The following PPP1R12C variants were observed in gnomAD, a reference collection of about 807,000 sequenced individuals.
The protein encoded by PPP1R12C is leukocyte receptor cluster (LRC) encoded novel gene 3.
In PPP1R12C, 48 loss-of-function variants were observed where a neutral mutation model predicts 95.6. That is an observed-to-expected ratio of 0.50 (90% confidence interval 0.40 to 0.64). The LOEUF (loss-of-function observed/expected upper bound fraction) is 0.64. Ranked by LOEUF, PPP1R12C falls within the 30% of genes least tolerant of loss-of-function variation. The probability of loss-of-function intolerance (pLI) is 0.00; values close to 1 mark genes in which losing one functional copy is unlikely to be tolerated. For synonymous variants in PPP1R12C, 480 were observed against 460.8 expected, an observed-to-expected ratio of 1.04 and a Z score of -0.53; for missense variants, 1,057 against 1,083.3, an observed-to-expected ratio of 0.98 and a Z score of 0.34.
chr19:55,108,625 T>C (rs2085063730), intron 3 of PPP1R12C, among the ~76,000 whole-genome samples: 1 of 152,228 alleles, frequency 6.6e-6, no homozygotes, highest in African/African-American at 2.4e-5. Flanking sequence ...GTAATTGTCC[T>C]TCTGTGACTG....
At chr19:55,095,675 A>G in intron 9 of PPP1R12C, 72 bp from the exon 10 acceptor site, 1 of 1,505,962 alleles carries the variant, frequency 6.6e-7, no homozygotes, top group Non-Finnish European at 8.9e-7. Flanking sequence ...TAGCCCCCAA[A>G]GGACTGCAAC....
intron 6 of PPP1R12C, chr19:55,096,714 CT>C: frequency 2.6e-6 from 1 of 387,476 alleles, no homozygotes; most frequent in South Asian, 2.3e-5. Flanking sequence ...CACTCGCCTC[CT>C]CCTTCCCCGC....
Position 55,096,304 on chromosome 19 carries a change from C to A in PPP1R12C, c.983G>T (p.Arg328Leu), listed in dbSNP as rs200106781. The A allele has an allele frequency of 1.9e-6, 3 of 1,613,712 alleles. No individual in the cohort carries two copies. Among genetic ancestry groups the A allele is most frequent in the South Asian group, 2.2e-5 (2 of 91,082 alleles). Residue 328 changes from arginine to leucine, a missense_variant, in exon 7 of 22, where the codon CGG becomes CTG. Transcript: ENST00000263433. ...LRNQKEASQSRGQEPQAPSSS... is the reference protein window; with the variant it reads ...LRNQKEASQSLGQEPQAPSSS... ...AGAGGGCGCTTGGGGCTCCTGGCCC[C>A]GGCTCTGGGAAGCTTCTTTTTGGTT...
At chr19:55,092,044 A>ACCGGCAGG in intron 19 of PPP1R12C, 135 bp from the exon 20 acceptor site, 2 of 1,209,272 alleles carry the variant, frequency 1.7e-6, no homozygotes, top group Non-Finnish European at 2.4e-6. Context: ...AGGCCCCGCC[A>ACCGGCAGG]CCGGCAGGCC....
chr19:55,099,985 T>C (rs1199357531), intron 4 of PPP1R12C, among the ~76,000 whole-genome samples: 3 of 152,202 alleles, frequency 2.0e-5, no homozygotes, highest in Non-Finnish European at 2.9e-5. Flanking sequence ...TCCCTCTCTC[T>C]GGTCCCGCCC....
chr19:55,113,611 G>GA (rs2085121766), intron 1 of PPP1R12C: 3 of 1,284,496 alleles, frequency 2.3e-6, no homozygotes, highest in Non-Finnish European at 3.0e-6. Flanking sequence ...TGGAGCTGAG[G>GA]AAGGAGTGAA....
At chr19:55,110,160 G>A (rs1049705787) in intron 3 of PPP1R12C, among the ~76,000 whole-genome samples, 1 of 152,182 alleles carries the variant, frequency 6.6e-6, no homozygotes, top group Non-Finnish European at 1.5e-5. Context: ...GGGAAAAGGA[G>A]GACTGATCCA....
Position 55,112,728 on chromosome 19 carries a change from G to C in PPP1R12C, c.389C>G (p.Ala130Gly). Residue 130 changes from alanine to glycine, a missense_variant, in exon 2 of 22, where the codon GCA (alanine) becomes GGA (glycine). Transcript: ENST00000263433. Reference sequence around the variant, plus strand: ...CAGTGGCGTCCAGCCCTCGTTGTCTGCCTGGTTCACAGTGGCGCCCTGCTC... The same window carrying C: ...CAGTGGCGTCCAGCCCTCGTTGTCTCCCTGGTTCACAGTGGCGCCCTGCTC... The part of the protein sequence containing the change: ...LVEQGATVNQ[A>G]DNEGWTPLHV... 6.2e-7 allele frequency: 1 copy of C among 1,613,850 alleles called. No individual in the cohort carries two copies. Among genetic ancestry groups the C allele is most frequent in the Non-Finnish European group, 8.5e-7 (1 of 1,179,972 alleles).
At chr19:55,094,963 C>T (rs1005348436) in intron 11 of PPP1R12C, 165 bp from the exon 12 acceptor site, 9 of 823,808 alleles carry the variant, frequency 1.1e-5, no homozygotes, top group South Asian at 3.2e-5. Context: ...CAGCACACTA[C>T]GCAACCGGTC....
At position 55,091,544 on chromosome 19, in the gene PPP1R12C, G is replaced by A; in HGVS notation, c.2277C>T (p.Leu759=). 6.2e-7 allele frequency: 1 copy of A among 1,613,814 alleles called. No homozygotes were observed. The highest frequency in any genetic ancestry group is 8.5e-7 in the Non-Finnish European group (1 of 1,179,960). ...CCTTGAGGCGCTGGTTGTCAGCGCG[G>A]AGGTCAGACAGGGCCTGGGGGACGG... ...LEEELKALSD[L]RADNQRLKDE... Residue 759 remains leucine, a synonymous_variant, in exon 22 of 22, where the codon CTC becomes CTT. Coordinates refer to ENST00000263433, the MANE Select transcript of PPP1R12C (RefSeq NM_017607.4).
Position 55,117,458 on chromosome 19 carries a change from C to G in PPP1R12C, c.86G>C (p.Trp29Ser). The change falls in exon 1 of 22, where the codon TGG (tryptophan) becomes TCG (serine). Residue 29 changes from tryptophan (W) to serine (S), a missense_variant. Around this residue, in one of 5 missense-constraint regions of PPP1R12C, gnomAD observed 70 missense variants for 47.8 expected, o/e 1.46. Coordinates refer to ENST00000263433, the MANE Select transcript of PPP1R12C (RefSeq NM_017607.4). ...RERRREQLRQ[W>S]GARAGAEPGP... ...AGGCTCGGCGCCCGCCCGCGCCCCC[C>G]ACTGCCGCAGCTGCTCCCGTCGCCG... The G allele has an allele frequency of 1.0e-6, 1 of 1,003,434 alleles. No individual in the cohort carries two copies. The highest frequency in any genetic ancestry group is 1.2e-6 in the Non-Finnish European group (1 of 845,320). 62.2% of individuals were successfully genotyped at this position (1,003,434 alleles called of 1,614,324 possible). A position where few individuals can be genotyped will look rare whatever the true frequency, so the allele number is the denominator to read the frequency against.
chr19:55,103,629 A>G, intron 3 of PPP1R12C, 61 bp from the exon 4 acceptor site: 4 of 1,428,358 alleles, frequency 2.8e-6, no homozygotes, highest in East Asian at 2.6e-5. Context: ...ACCCAGGGTC[A>G]TACACTGGGC....
rs1447326448 is a variant in PPP1R12C, at chr19:55,098,939, AC to A, written c.876+11del. 2 of 1,590,476 alleles carry A rather than the reference AC, an allele frequency of 1.3e-6. No homozygotes were observed. Among genetic ancestry groups the A allele is most frequent in the East Asian group, 4.6e-5 (2 of 43,660 alleles). The stretch of plus-strand genomic sequence containing the variant: ...CGCCCTGCCCCTCACCAGCCTGGGC[AC>A]TGGCCCTCACCGCATGGGTCAGTGA... On this transcript the variant is annotated intron_variant, in intron 5 of 21. Coordinates refer to ENST00000263433, the MANE Select transcript of PPP1R12C (RefSeq NM_017607.4).
rs377567879 is a variant in PPP1R12C at position 55,098,861 on chromosome 19, G to A, written c.877-3C>T. 6.8e-6 allele frequency: 11 copies of A among 1,613,212 alleles called. No individual in the cohort carries two copies. In the African/African-American group the frequency reaches 1.1e-4, roughly 16 times the overall value. The stretch of plus-strand genomic sequence containing the variant: ...GCCAGGTCACAGGGACGCTGCCCCT[G>A]GGTCAGGGGAGGAGCAGGATCAGAC... On this transcript the variant is annotated splice_region_variant and splice_polypyrimidine_tract_variant and intron_variant, in intron 5 of 21. Transcript: ENST00000263433.
At chr19:55,092,379 G>C (rs2084854038) in intron 18 of PPP1R12C, 53 bp from the exon 19 acceptor site, 1 of 1,567,234 alleles carries the variant, frequency 6.4e-7, no homozygotes, top group East Asian at 2.3e-5. Context: ...TGCTGGGGGG[G>C]CGGGGAAGCC....
intron 19 of PPP1R12C, 125 bp downstream of exon 19, chr19:55,092,097 G>A (rs2084849320): frequency 9.1e-7 from 1 of 1,100,172 alleles, no homozygotes; most frequent in Non-Finnish European, 1.3e-6. Flanking sequence ...CCGAGATCTC[G>A]GCCCCGCCCC....
At position 55,113,786 on chromosome 19, in the gene PPP1R12C, G is replaced by T. The variant is rs1325114725; in HGVS notation, c.322-991C>A. ...CGTGCCCTGGGAACGGGATGAACTC[G>T]GCTCGTTTATTTCCACCCAGTTGTC... On this transcript the variant is annotated intron_variant, in intron 1 of 21. Transcript: ENST00000263433. 1.0e-5 allele frequency: 3 copies of T among 292,504 alleles called. No homozygotes were observed. The East Asian group carries it at 1.8e-4, about 17-fold the overall frequency. 18.1% of individuals were successfully genotyped at this position (292,504 alleles called of 1,614,324 possible).
At chr19:55,115,192 C>T (rs1286324080) in intron 1 of PPP1R12C, 2 of 152,264 alleles carry the variant, frequency 1.3e-5, no homozygotes, top group Admixed American at 1.3e-4. Context: ...TGGTGAACAC[C>T]TAGGACGCAC....
chr19:55,096,452 G>T, intron 6 of PPP1R12C, 117 bp from the exon 7 acceptor site: 1 of 1,240,426 alleles, frequency 8.1e-7, no homozygotes. Context: ...GGGCTCGTGG[G>T]CTTACTGGTT....
Sources: allele counts gnomAD v4.1 joint callset (sites outside exome capture counted in the v4.1 genomes callset), GRCh38; gene constraint gnomAD v4.1.1; regional missense constraint gnomAD v4.1.1; transcripts MANE v1.5; gene names NCBI Gene and HGNC (gene_info 2026-07-23, HGNC 2026-07-21).